The following HDGFL2 variants were observed in gnomAD, a reference collection of about 807,000 sequenced individuals.
HDGFL2 encodes hepatoma-derived growth factor-related protein 2.
Under a neutral mutation model 77.1 loss-of-function variants are expected in HDGFL2, and 36 were observed. The ratio of observed to expected loss-of-function variants is 0.47; its 90% confidence interval spans 0.36 to 0.62. HDGFL2 has a LOEUF of 0.62. Among genes scored for constraint, HDGFL2 ranks in the 20% least tolerant of loss-of-function variants. The pLI, the probability that HDGFL2 is intolerant of heterozygous loss-of-function variation, is 0.00. For missense variants in HDGFL2, 976 were observed against 973.4 expected (o/e 1.00, Z -0.04); for synonymous variants, 463 against 413.1 (o/e 1.12, Z -1.46).
rs367750750 is a variant in HDGFL2, at chr19:4,491,776, G to A, written c.619G>A (p.Glu207Lys). 3.7e-6 allele frequency: 6 copies of A among 1,613,960 alleles called. No homozygotes were observed. The African/African-American group carries it at 8.0e-5, about 22-fold the overall frequency. ...EKTSDQDFTP[E>K]KKAAVRAPRR... The stretch of plus-strand genomic sequence containing the variant: ...TTCTCTCCCCCAGGACTTCACACCT[G>A]AGAAGAAAGCAGCGGTCCGGGCGCC... The change falls in exon 6 of 16, where the codon GAG (glutamate) becomes AAG (lysine). Residue 207 changes from glutamate (E) to lysine (K), a missense_variant. Glu to Lys is a moderately conservative substitution (Grantham distance 56, BLOSUM62 1). Around this residue, in one of 5 missense-constraint regions of HDGFL2, gnomAD observed 567 missense variants for 534.7 expected, o/e 1.06. Transcript: ENST00000616600.
In HDGFL2 at chr19:4,499,613, G is replaced by T; in HGVS notation, c.1698G>T (p.Met566Ile). The T allele has an allele frequency of 6.2e-7, 1 of 1,603,618 alleles. No individual in the cohort carries two copies. The highest frequency in any genetic ancestry group is 1.3e-5 in the African/African-American group (1 of 74,942). The change falls in exon 14 of 16, where the codon ATG (methionine) becomes ATT (isoleucine). Residue 566 changes from methionine to isoleucine, a missense_variant. Coordinates refer to ENST00000616600, the MANE Select transcript of HDGFL2 (RefSeq NM_001001520.3). ...EAVQKVNKAG[M>I]EKEKAEEKLA... is the part of the protein sequence containing the mutation. ...TGCAGAAAGTGAACAAGGCTGGGAT[G>T]GAGAAGGAGAAGGCCGAGGAGAAGC... is the stretch of plus-strand genomic sequence containing the variant.
chr19:4,501,966 G>A lies in HDGFL2; in HGVS notation c.1972G>A (p.Glu658Lys), dbSNP rs1289477212. 25 of 1,506,780 alleles carry A rather than the reference G, an allele frequency of 1.7e-5. No homozygotes were observed. The Admixed American group carries it at 4.3e-4, about 26-fold the overall frequency. The allele number at this position is 1,506,780 out of a possible 1,614,324, so 93.3% of individuals were successfully genotyped here. A position where few individuals can be genotyped will look rare whatever the true frequency, so the allele number is the denominator to read the frequency against. Residue 658 changes from glutamate (E) to lysine (K), a missense_variant, in exon 16 of 16, where the codon GAG becomes AAG. By Grantham distance (56) the Glu-to-Lys change is moderately conservative (BLOSUM62 1). Around this residue, in one of 5 missense-constraint regions of HDGFL2, gnomAD observed 229 missense variants for 187.3 expected, o/e 1.22. Transcript: ENST00000616600. ...DRPGSDRQER[E>K]RARGDSEALD... Reference sequence around the variant, plus strand: ...GCCTGGGAGCGACCGGCAGGAGCGCGAGAGGGCACGGGGGGACTCGGAGGC... The same window carrying A: ...GCCTGGGAGCGACCGGCAGGAGCGCAAGAGGGCACGGGGGGACTCGGAGGC...
chr19:4,501,931 A>G lies in HDGFL2; in HGVS notation c.1937A>G (p.Asp646Gly), dbSNP rs1226046338. Residue 646 changes from aspartate to glycine, a missense_variant, in exon 16 of 16, where the codon GAC becomes GGC. Asp to Gly is a moderately conservative substitution (Grantham distance 94). This residue lies in a region of HDGFL2 where 229 missense variants were observed against 187.3 expected (regional missense o/e 1.22). Coordinates refer to ENST00000616600, the MANE Select transcript of HDGFL2 (RefSeq NM_001001520.3). ...DLHDSVREGP[D>G]LDRPGSDRQE... The stretch of plus-strand genomic sequence containing the variant: ...ACCAGCAGCGTACGGGAGGGTCCCG[A>G]CCTGGACAGGCCTGGGAGCGACCGG... 1 of 1,484,728 alleles carries G rather than the reference A, an allele frequency of 6.7e-7. No homozygotes were observed. Among genetic ancestry groups the G allele is most frequent in the Non-Finnish European group, 8.9e-7 (1 of 1,123,020 alleles). 92.0% of individuals were successfully genotyped at this position (1,484,728 alleles called of 1,614,324 possible).
chr19:4,475,358 G>A lies in HDGFL2; in HGVS notation c.149+7G>A. 6.2e-7 allele frequency: 1 copy of A among 1,614,110 alleles called. No individual in the cohort carries two copies. Among genetic ancestry groups the A allele is most frequent in the South Asian group, 1.1e-5 (1 of 91,082 alleles). ...TCTTTGGCACACACGAAACGTAAGT[G>A]TCCCCTTCTGGGGCTTGGTTTTCTC... On this transcript the variant is annotated splice_region_variant and intron_variant, in intron 2 of 15. Coordinates refer to ENST00000616600, the MANE Select transcript of HDGFL2 (RefSeq NM_001001520.3).
intron 1 of HDGFL2, chr19:4,474,840 C>A (rs1975030209): frequency 1.1e-5 from 2 of 184,710 alleles, no homozygotes; most frequent in African/African-American, 2.4e-5. Context: ...TTCCTGGATG[C>A]TCAGGGCCGT....
intron 6 of HDGFL2, 129 bp from the exon 7 acceptor site, chr19:4,493,574 A>C: frequency 8.3e-7 from 1 of 1,201,672 alleles, no homozygotes. Flanking sequence ...GGGGATTCGG[A>C]GCCGGGCCCT....
At chr19:4,474,849 GT>G in intron 1 of HDGFL2, 1 of 174,036 alleles carries the variant, frequency 5.7e-6, no homozygotes, top group Non-Finnish European at 1.2e-5. Context: ...GCTCAGGGCC[GT>G]TTCTTGTAGC....
chr19:4,480,456 C>T lies in HDGFL2; in HGVS notation c.288+4873C>T, dbSNP rs181367468. Among the ~76,000 whole-genome samples, 773 of 152,274 alleles carry T rather than the reference C, an allele frequency of 5.1e-3. 11 individuals are homozygous for T. The highest frequency in any genetic ancestry group is 0.018 in the African/African-American group (741 of 41,562). On this transcript the variant is annotated intron_variant, in intron 3 of 15. Coordinates refer to ENST00000616600, the MANE Select transcript of HDGFL2 (RefSeq NM_001001520.3). ...GGGAGTTGGGAGGCGTAGTGGCTCACACCTGTAATCCCAGCACTTTGGGAG... is the reference window on the plus strand; with the variant it reads ...GGGAGTTGGGAGGCGTAGTGGCTCATACCTGTAATCCCAGCACTTTGGGAG...
rs1266812100 is a variant in HDGFL2 at position 4,475,466 on chromosome 19, C to T, written c.171C>T (p.Asp57=). 2.5e-6 allele frequency: 4 copies of T among 1,612,532 alleles called. No homozygotes were observed. The highest frequency in any genetic ancestry group is 2.2e-5 in the East Asian group (1 of 44,868). ...THETAFLGPK[D]LFPYDKCKDK... ...CCAGAGCCTTCCTGGGACCCAAGGA[C>T]CTGTTCCCCTACGACAAATGTAAAG... The change falls in exon 3 of 16, where the codon GAC becomes GAT. Residue 57 remains aspartate (D), a synonymous_variant. Coordinates refer to ENST00000616600, the MANE Select transcript of HDGFL2 (RefSeq NM_001001520.3).
In HDGFL2 at chr19:4,488,677, C is replaced by T; in HGVS notation, c.290C>T (p.Pro97Leu). 1 of 1,542,704 alleles carries T rather than the reference C, an allele frequency of 6.5e-7. No homozygotes were observed. Among genetic ancestry groups the T allele is most frequent in the Non-Finnish European group, 8.7e-7 (1 of 1,147,058 alleles). Residue 97 changes from proline (P) to leucine (L), a missense_variant and splice_region_variant, in exon 4 of 16, where the codon CCA becomes CTA. Physicochemically the swap from Pro to Leu is moderately conservative, Grantham distance 98. Coordinates refer to ENST00000616600, the MANE Select transcript of HDGFL2 (RefSeq NM_001001520.3). ...CGTTCTCTGCCCCGACTCCCACAGC[C>T]AGTGAGCTCCTCCGACAGCGAGGCC... ...NPHASYSAPP[P>L]VSSSDSEAPE...
intron 3 of HDGFL2, among the ~76,000 whole-genome samples, chr19:4,485,741 C>T (rs1178083727): frequency 7.7e-6 from 1 of 129,590 alleles, no homozygotes; most frequent in Admixed American, 8.0e-5. Context: ...GACTCCGTCT[C>T]AAAAAAAAAA....
chr19:4,497,351 C>T (rs554062760), intron 10 of HDGFL2: 2 of 334,022 alleles, frequency 6.0e-6, no homozygotes, highest in East Asian at 9.3e-5. Context: ...GTGTGTGCCA[C>T]CACACCCGGC....
Position 4,488,745 on chromosome 19 carries a change from G to A in HDGFL2, c.358G>A (p.Asp120Asn), listed in dbSNP as rs943059229. The change falls in exon 4 of 16, where the codon GAT (aspartate) becomes AAT (asparagine). Residue 120 changes from aspartate to asparagine, a missense_variant. Asp to Asn is a conservative substitution (Grantham distance 23). This residue lies in a region of HDGFL2 where 103 missense variants were observed against 145.7 expected (regional missense o/e 0.71). Coordinates refer to ENST00000616600, the MANE Select transcript of HDGFL2 (RefSeq NM_001001520.3). ...CGACGGCAGTGACGCTGACGAGGAC[G>A]ATGAGGACCGGGGGGTCATGGCCGT... Reference protein sequence around the residue: ...PADGSDADEDDEDRGVMAVTA... With the variant: ...PADGSDADEDNEDRGVMAVTA... The A allele has an allele frequency of 4.2e-5, 65 of 1,553,510 alleles. No individual in the cohort carries two copies. Among genetic ancestry groups the A allele is most frequent in the Non-Finnish European group, 5.1e-5 (58 of 1,148,348 alleles).
intron 9 of HDGFL2, among the ~76,000 whole-genome samples, chr19:4,495,714 C>T (rs1459420590): frequency 6.6e-6 from 1 of 152,106 alleles, no homozygotes; most frequent in Admixed American, 6.5e-5. Flanking sequence ...CACTCGGGTG[C>T]TCTCGGGTGC....
chr19:4,501,924 G>A lies in HDGFL2; in HGVS notation c.1930G>A (p.Gly644Ser). 6.8e-7 allele frequency: 1 copy of A among 1,473,296 alleles called. No homozygotes were observed. 91.3% of individuals were successfully genotyped at this position (1,473,296 alleles called of 1,614,324 possible). A position where few individuals can be genotyped will look rare whatever the true frequency, so the allele number is the denominator to read the frequency against. The change falls in exon 16 of 16, where the codon GGT becomes AGT. Residue 644 changes from glycine (G) to serine (S), a missense_variant. This residue lies in a region of HDGFL2 where 229 missense variants were observed against 187.3 expected (regional missense o/e 1.22). Transcript: ENST00000616600. ...SEDLHDSVRE[G>S]PDLDRPGSDR... ...TGTTCCCACCAGCAGCGTACGGGAG[G>A]GTCCCGACCTGGACAGGCCTGGGAG...
At chr19:4,485,883 C>A (rs377587577) in intron 3 of HDGFL2, among the ~76,000 whole-genome samples, 281 of 95,500 alleles carry the variant, frequency 2.9e-3, no homozygotes, top group Admixed American at 3.4e-3. Flanking sequence ...CCCATGTCTA[C>A]AAAAAAAAAA....
intron 3 of HDGFL2, among the ~76,000 whole-genome samples, chr19:4,475,944 C>A (rs1975061702): frequency 6.6e-6 from 1 of 150,684 alleles, no homozygotes; most frequent in South Asian, 2.1e-4. Context: ...GGATGGAGTG[C>A]AGTGGCGCGA....
At chr19:4,473,310 A>AG (rs1315278501) in intron 1 of HDGFL2, among the ~76,000 whole-genome samples, 1 of 148,316 alleles carries the variant, frequency 6.7e-6, no homozygotes, top group Non-Finnish European at 1.5e-5. Context: ...TCTGTGCCTG[A>AG]GGGAGCTGCA....
rs377221518 is a variant in HDGFL2, at chr19:4,475,268, A to C, written c.73-7A>C. ...AAAGCCACCCCCTCACTGGCCTCTC[A>C]CTGCAGATCGACGACATCGCGGATG... is the stretch of plus-strand genomic sequence containing the variant. On this transcript the variant is annotated splice_region_variant and splice_polypyrimidine_tract_variant and intron_variant, in intron 1 of 15. Coordinates refer to ENST00000616600, the MANE Select transcript of HDGFL2 (RefSeq NM_001001520.3). 43 of 1,613,512 alleles carry C rather than the reference A, an allele frequency of 2.7e-5. No individual in the cohort carries two copies. In the African/African-American group the frequency reaches 3.9e-4, roughly 15 times the overall value.
Sources: gnomAD v4.1 joint callset for allele counts (sites outside exome capture counted in the v4.1 genomes callset) on GRCh38, gnomAD v4.1.1 for gene constraint, gnomAD v4.1.1 regional missense constraint, MANE v1.5 for transcripts, NCBI Gene and HGNC (gene_info 2026-07-23, HGNC 2026-07-21) for gene names.